TTC19: variants seen among roughly 807,000 people sequenced by gnomAD.
TTC19 encodes tetratricopeptide repeat protein 19, mitochondrial.
Under a neutral mutation model 49.5 loss-of-function variants are expected in TTC19, and 38 were observed. The observed-to-expected ratio is 0.77, with a 90% CI of 0.59 to 1.01. The LOEUF (loss-of-function observed/expected upper bound fraction) is 1.01, where lower values mean the gene tolerates loss of function less well. TTC19 is among the 50% of genes least tolerant of loss of function. The probability of loss-of-function intolerance (pLI) is 0.00; values close to 1 mark genes in which losing one functional copy is unlikely to be tolerated. For synonymous variants in TTC19, 204 were observed against 185.2 expected, an observed-to-expected ratio of 1.10 and a Z score of -0.83; for missense variants, 475 against 477.7, an observed-to-expected ratio of 0.99 and a Z score of 0.05.
downstream of TTC19, chr17:16,030,115 T>G (rs1387319162): frequency 4.4e-5 from 8 of 182,416 alleles, no homozygotes; most frequent in Non-Finnish European, 9.3e-5. Flanking sequence ...TTTGTATATG[T>G]ATTATATACT....
chr17:16,035,386 C>G (rs1323751687), intron 2 of TTC19, among the ~76,000 whole-genome samples: 1 of 152,128 alleles, frequency 6.6e-6, no homozygotes, highest in African/African-American at 2.4e-5. Flanking sequence ...GCCATGTTCA[C>G]AGCATCTTCA....
At chr17:16,014,485 A>G (rs191119153) in intron 7 of TTC19, among the ~76,000 whole-genome samples, 2 of 152,324 alleles carry the variant, frequency 1.3e-5, no homozygotes, top group East Asian at 3.9e-4. Context: ...ATTTGATTCT[A>G]ACTGACTCCT....
rs560044205 is a variant in TTC19 at position 16,006,248 on chromosome 17, A to G, written c.582-226A>G. On this transcript the variant is annotated intron_variant, in intron 6 of 9. Coordinates refer to ENST00000261647, the MANE Select transcript of TTC19 (RefSeq NM_017775.4). ...AACATGGTGAAACTCTGTCTTTACC[A>G]AAAATACAAAAATTAGCTGGGCATA... Among the ~76,000 whole-genome samples, 3 of 152,294 alleles carry G rather than the reference A, an allele frequency of 2.0e-5. 1 individual carries two copies. The highest frequency in any genetic ancestry group is 7.2e-5 in the African/African-American group (3 of 41,552).
At chr17:16,025,662 A>G (rs1971530283) in intron 8 of TTC19, among the ~76,000 whole-genome samples, 1 of 152,262 alleles carries the variant, frequency 6.6e-6, no homozygotes, top group African/African-American at 2.4e-5. Flanking sequence ...GCTCTGTGTT[A>G]GAACATTAAA....
chr17:16,027,423 A>C lies in TTC19; in HGVS notation c.1044A>C (p.Ala348=). The change falls in exon 10 of 10, where the codon GCA becomes GCC. Residue 348 remains alanine, a synonymous_variant. Coordinates refer to ENST00000261647, the MANE Select transcript of TTC19 (RefSeq NM_017775.4). ...TCTACCAGGAAGCACTGAAGCAAGCAAAGCTGAAAAAAGATGAAATTTCTG... is the reference window on the plus strand; with the variant it reads ...TCTACCAGGAAGCACTGAAGCAAGCCAAGCTGAAAAAAGATGAAATTTCTG... ...KEIYQEALKQ[A]KLKKDEISVQ... The C allele has an allele frequency of 6.2e-7, 1 of 1,614,154 alleles. No homozygotes were observed. Among genetic ancestry groups the C allele is most frequent in the Non-Finnish European group, 8.5e-7 (1 of 1,179,972 alleles).
intron 7 of TTC19, among the ~76,000 whole-genome samples, chr17:16,016,144 A>G (rs553232501): frequency 2.6e-5 from 4 of 152,336 alleles, no homozygotes; most frequent in East Asian, 1.9e-4. Flanking sequence ...TTCTTCTAAC[A>G]TAATTGCCAT....
In TTC19 at chr17:16,027,714, C is replaced by A. The variant is rs1971622040; in HGVS notation, c.*192C>A. On this transcript the variant is annotated 3_prime_UTR_variant, in exon 10 of 10. Coordinates refer to ENST00000261647, the MANE Select transcript of TTC19 (RefSeq NM_017775.4). Reference sequence around the variant, plus strand: ...TTTAAAGGAAAAATGACTTTCATTCCCAACTGATTATGACCTTTCAGGATG... The same window carrying A: ...TTTAAAGGAAAAATGACTTTCATTCACAACTGATTATGACCTTTCAGGATG... 1.5e-6 allele frequency: 1 copy of A among 685,712 alleles called. No homozygotes were observed. The highest frequency in any genetic ancestry group is 2.6e-6 in the Non-Finnish European group (1 of 383,344). The allele number at this position is 685,712 out of a possible 1,614,324, so 42.5% of individuals were successfully genotyped here. A position where few individuals can be genotyped will look rare whatever the true frequency, so the allele number is the denominator to read the frequency against.
Position 16,029,037 on chromosome 17 carries a change from C to CT in TTC19, c.*1516dup, listed in dbSNP as rs1360685392. 2.2e-6 allele frequency: 1 copy of CT among 450,510 alleles called. No individual in the cohort carries two copies. Among genetic ancestry groups the CT allele is most frequent in the African/African-American group, 2.0e-5 (1 of 49,794 alleles). 27.9% of individuals were successfully genotyped at this position (450,510 alleles called of 1,614,324 possible). ...GAGATAAGATACAATATAAATCAGACTGTTTCAGTAGAAACCAGTATTAAC... is the reference window on the plus strand; with the variant it reads ...GAGATAAGATACAATATAAATCAGACTTGTTTCAGTAGAAACCAGTATTAAC... On this transcript the variant is annotated 3_prime_UTR_variant, in exon 10 of 10. Coordinates refer to ENST00000261647, the MANE Select transcript of TTC19 (RefSeq NM_017775.4).
intron 2 of TTC19, chr17:16,034,994 T>C (rs2151859735): frequency 6.5e-7 from 1 of 1,550,112 alleles, no homozygotes; most frequent in Non-Finnish European, 8.8e-7. Context: ...TTCTCAAAAA[T>C]TACCAAAATG....
intron 7 of TTC19, among the ~76,000 whole-genome samples, chr17:16,009,157 T>G (rs1442979791): frequency 6.6e-6 from 1 of 152,216 alleles, no homozygotes; most frequent in African/African-American, 2.4e-5. Context: ...TGGAAGTGCT[T>G]TGAGGAAATC....
At chr17:16,033,167 G>A (rs550430081), downstream of TTC19, among the ~76,000 whole-genome samples, 2 of 152,064 alleles carry the variant, frequency 1.3e-5, no homozygotes, top group South Asian at 2.1e-4. Context: ...CCAACATGGA[G>A]AAACCCCATC....
chr17:16,035,850 T>A (rs1372886773), intron 2 of TTC19, among the ~76,000 whole-genome samples: 3 of 152,146 alleles, frequency 2.0e-5, no homozygotes, highest in Non-Finnish European at 4.4e-5. Flanking sequence ...CCTCTCTTGC[T>A]ATTTCTCCTA....
In TTC19 at chr17:15,999,977, G is replaced by A; in HGVS notation, c.129G>A (p.Pro43=). The part of the protein sequence containing the change: ...AGGPGPEVQV[P]PSRVAPHGRG... ...GTCCGGGGCCCGAGGTGCAGGTGCC[G>A]CCATCCCGAGTCGCGCCGCACGGCC... Residue 43 remains proline (P), a synonymous_variant, in exon 1 of 10, where the codon CCG becomes CCA. Coordinates refer to ENST00000261647, the MANE Select transcript of TTC19 (RefSeq NM_017775.4). 1 of 1,288,316 alleles carries A rather than the reference G, an allele frequency of 7.8e-7. No homozygotes were observed. Among genetic ancestry groups the A allele is most frequent in the Non-Finnish European group, 9.8e-7 (1 of 1,020,910 alleles). 79.8% of individuals were successfully genotyped at this position (1,288,316 alleles called of 1,614,324 possible).
At chr17:16,044,333 C>T in intron 2 of TTC19, 1 of 467,100 alleles carries the variant, frequency 2.1e-6, no homozygotes, top group Non-Finnish European at 4.4e-6. Flanking sequence ...ACTGGCTCAT[C>T]CTTTTTTCCT....
intron 2 of TTC19, chr17:16,034,811 A>T: frequency 6.2e-7 from 1 of 1,614,084 alleles, no homozygotes; most frequent in Non-Finnish European, 8.5e-7. Context: ...GCGTCTGCCT[A>T]TGGTAATCCC....
At chr17:16,008,869 T>G (rs1161002663) in intron 7 of TTC19, among the ~76,000 whole-genome samples, 3 of 152,174 alleles carry the variant, frequency 2.0e-5, no homozygotes, top group Admixed American at 2.0e-4. Flanking sequence ...TTACTATTGC[T>G]CTACTCCTCT....
At chr17:16,024,775 A>T in intron 7 of TTC19, 1 of 526,486 alleles carries the variant, frequency 1.9e-6, no homozygotes. Context: ...TTTCTGCTGA[A>T]TATTATTTGT....
At chr17:16,032,280 C>A, downstream of TTC19, 1 of 1,593,666 alleles carries the variant, frequency 6.3e-7, no homozygotes, top group South Asian at 1.2e-5. Flanking sequence ...ACCCTGTTCC[C>A]CTCACTTTGT....
At chr17:16,005,929 T>C (rs544039971) in intron 6 of TTC19, among the ~76,000 whole-genome samples, 1 of 152,222 alleles carries the variant, frequency 6.6e-6, no homozygotes, top group South Asian at 2.1e-4. Context: ...TTATTAAAAT[T>C]AGGGCAGCAT....
Sources: gnomAD v4.1 joint callset for allele counts (sites outside exome capture counted in the v4.1 genomes callset) on GRCh38, gnomAD v4.1.1 for gene constraint, MANE v1.5 for transcripts, NCBI Gene and HGNC (gene_info 2026-07-23, HGNC 2026-07-21) for gene names.